The following ATP1B3 variants were observed in gnomAD, a reference collection of about 807,000 sequenced individuals.
ATP1B3 encodes sodium/potassium-transporting ATPase subunit beta-3.
A neutral mutation model predicts 30.2 loss-of-function variants in ATP1B3; 10 were observed. The observed-to-expected ratio is 0.33, with a 90% CI of 0.20 to 0.56. The LOEUF (loss-of-function observed/expected upper bound fraction) is 0.56, where lower values mean the gene tolerates loss of function less well. Ranked by LOEUF, ATP1B3 falls within the 20% of genes least tolerant of loss-of-function variation. The pLI, the probability that ATP1B3 is intolerant of heterozygous loss-of-function variation, is 0.90. For synonymous variants in ATP1B3, 113 were observed against 117.0 expected (o/e 0.97, Z 0.22); for missense variants, 238 against 336.7 (o/e 0.71, Z 2.29).
At chr3:141,904,703 C>CTTTTTTTTT (rs35178202) in intron 2 of ATP1B3, among the ~76,000 whole-genome samples, 55 of 89,364 alleles carry the variant, frequency 6.2e-4, no homozygotes, top group East Asian at 1.9e-3. Context: ...TTTAAACAGT[C>CTTTTTTTTT]TTTTTTTTTT....
chr3:141,877,760 C>A (rs1371279546), intron 1 of ATP1B3, among the ~76,000 whole-genome samples: 1 of 149,568 alleles, frequency 6.7e-6, no homozygotes, highest in Non-Finnish European at 1.5e-5. Flanking sequence ...TTTAAACCAT[C>A]TACCGTGTAG....
Position 141,925,882 on chromosome 3 carries a change from T to A in ATP1B3, c.*181T>A. ...TTCAGTGTCCTCTGAAGTAACTGCC[T>A]GTTGCCTCTGCTGCCCTTTGAACCA... is the stretch of plus-strand genomic sequence containing the variant. On this transcript the variant is annotated 3_prime_UTR_variant, in exon 7 of 7. Coordinates refer to ENST00000286371, the MANE Select transcript of ATP1B3 (RefSeq NM_001679.4). The A allele has an allele frequency of 1.4e-6, 1 of 715,116 alleles. No individual in the cohort carries two copies. Among genetic ancestry groups the A allele is most frequent in the Non-Finnish European group, 2.2e-6 (1 of 457,124 alleles). The allele number at this position is 715,116 out of a possible 1,614,324, so 44.3% of individuals were successfully genotyped here.
chr3:141,884,409 C>G (rs1933791937), intron 1 of ATP1B3, among the ~76,000 whole-genome samples: 1 of 152,160 alleles, frequency 6.6e-6, no homozygotes. Flanking sequence ...CTAACCATTC[C>G]TTTCCTAGTT....
intron 6 of ATP1B3, among the ~76,000 whole-genome samples, chr3:141,924,742 G>A (rs927717222): frequency 6.6e-6 from 1 of 151,930 alleles, no homozygotes; most frequent in Admixed American, 6.6e-5. Context: ...AGATCACGAG[G>A]TCAGGAGATC....
At chr3:141,876,988 G>A in intron 1 of ATP1B3, 78 bp downstream of exon 1, 5 of 1,134,696 alleles carry the variant, frequency 4.4e-6, no homozygotes, top group Non-Finnish European at 5.9e-6. Flanking sequence ...GGAACGGAAA[G>A]GCGGGAGGCG....
chr3:141,879,871 T>G (rs1933689647), intron 1 of ATP1B3, among the ~76,000 whole-genome samples: 1 of 145,006 alleles, frequency 6.9e-6, no homozygotes, highest in African/African-American at 2.5e-5. Context: ...GCAAATTTTT[T>G]TTCTAGTTGT....
chr3:141,904,200 TTTG>T (rs1171179568), intron 2 of ATP1B3, among the ~76,000 whole-genome samples: 4 of 152,204 alleles, frequency 2.6e-5, no homozygotes, highest in African/African-American at 4.8e-5. Flanking sequence ...GGTTTTAATT[TTTG>T]TTGTTGTTGT....
At chr3:141,891,996 C>A (rs1933963455) in intron 1 of ATP1B3, among the ~76,000 whole-genome samples, 1 of 150,952 alleles carries the variant, frequency 6.6e-6, no homozygotes, top group Non-Finnish European at 1.5e-5. Flanking sequence ...GAGTACATTT[C>A]TTGGTGACTA....
intron 1 of ATP1B3, among the ~76,000 whole-genome samples, chr3:141,890,922 T>A (rs1279166364): frequency 6.6e-6 from 1 of 152,242 alleles, no homozygotes; most frequent in Non-Finnish European, 1.5e-5. Flanking sequence ...CTTTGAATAT[T>A]AAGCCTTTGT....
intron 1 of ATP1B3, among the ~76,000 whole-genome samples, chr3:141,885,079 C>T (rs1468750545): frequency 2.6e-5 from 4 of 152,160 alleles, no homozygotes; most frequent in African/African-American, 9.7e-5. Context: ...CCTTCCTTCC[C>T]TGAGGTTCTG....
chr3:141,897,694 A>T (rs1934093381), intron 1 of ATP1B3, among the ~76,000 whole-genome samples: 1 of 152,114 alleles, frequency 6.6e-6, no homozygotes, highest in South Asian at 2.1e-4. Flanking sequence ...GTACATGTTC[A>T]TCGGGTTTTT....
intron 1 of ATP1B3, among the ~76,000 whole-genome samples, chr3:141,895,547 A>G (rs1046488520): frequency 6.6e-6 from 1 of 152,158 alleles, no homozygotes; most frequent in African/African-American, 2.4e-5. Context: ...GTGTATCCAC[A>G]GTTCTTATTG....
intron 2 of ATP1B3, among the ~76,000 whole-genome samples, chr3:141,905,071 G>T (rs907822701): frequency 3.9e-5 from 6 of 152,124 alleles, no homozygotes; most frequent in African/African-American, 1.4e-4. Flanking sequence ...GTCCTCAGAT[G>T]CTGATAATTA....
chr3:141,890,748 T>G (rs145481307), intron 1 of ATP1B3, among the ~76,000 whole-genome samples: 15,826 of 150,940 alleles, frequency 0.1, 889 homozygotes, highest in Middle Eastern at 0.16. Context: ...AATTTTTGTA[T>G]TTTTAGTAGA....
chr3:141,905,516 C>T (rs1934249277), intron 2 of ATP1B3, among the ~76,000 whole-genome samples: 1 of 152,248 alleles, frequency 6.6e-6, no homozygotes, highest in Non-Finnish European at 1.5e-5. Context: ...ACCAGCCAAA[C>T]TGAACTAATT....
intron 3 of ATP1B3, among the ~76,000 whole-genome samples, chr3:141,908,146 C>T (rs552782634): frequency 7.1e-6 from 1 of 140,676 alleles, no homozygotes; most frequent in Non-Finnish European, 1.5e-5. Flanking sequence ...CAATGTAGTG[C>T]TTGCTTGGGG....
At chr3:141,880,742 T>C (rs1933706097) in intron 1 of ATP1B3, among the ~76,000 whole-genome samples, 1 of 152,236 alleles carries the variant, frequency 6.6e-6, no homozygotes, top group Non-Finnish European at 1.5e-5. Flanking sequence ...CTGTATTTGT[T>C]ACTTTGGCTC....
At chr3:141,892,977 C>T (rs1378755759) in intron 1 of ATP1B3, among the ~76,000 whole-genome samples, 1 of 152,134 alleles carries the variant, frequency 6.6e-6, no homozygotes, top group African/African-American at 2.4e-5. Context: ...TAAGTCTTAG[C>T]AGATCTCTGC....
intron 4 of ATP1B3, among the ~76,000 whole-genome samples, chr3:141,914,058 T>C (rs1934413962): frequency 6.6e-6 from 1 of 152,066 alleles, no homozygotes; most frequent in African/African-American, 2.4e-5. Flanking sequence ...GAGTAAGGAG[T>C]TAAAGTAACT....
Sources: allele counts gnomAD v4.1 joint callset (sites outside exome capture counted in the v4.1 genomes callset), GRCh38; gene constraint gnomAD v4.1.1; transcripts MANE v1.5; gene names NCBI Gene and HGNC (gene_info 2026-07-23, HGNC 2026-07-21).